The following MIA2 variants were observed in gnomAD, a reference collection of about 807,000 sequenced individuals.
MIA2 encodes MIA SH3 domain ER export factor 2.
A neutral mutation model predicts 167.8 loss-of-function variants in MIA2; 127 were observed. That is an observed-to-expected ratio of 0.76 (90% CI 0.66 to 0.88). The LOEUF (loss-of-function observed/expected upper bound fraction) is 0.88, where lower values mean the gene tolerates loss of function less well. Among genes scored for constraint, MIA2 ranks in the 40% least tolerant of loss-of-function variants. MIA2 has a pLI of 0.00. For missense variants in MIA2, 1,690 were observed against 1,624.7 expected, an observed-to-expected ratio of 1.04 and a Z score of -0.69; for synonymous variants, 552 against 541.9, an observed-to-expected ratio of 1.02 and a Z score of -0.26.
chr14:39,347,427 A>G, intron 26 of MIA2: 1 of 370,516 alleles, frequency 2.7e-6, no homozygotes, highest in Non-Finnish European at 4.8e-6. Flanking sequence ...AAAAGAAGGA[A>G]GGAGGGAGAT....
intron 21 of MIA2, among the ~76,000 whole-genome samples, chr14:39,316,212 C>T (rs572999246): frequency 1.7e-4 from 26 of 152,334 alleles, no homozygotes; most frequent in African/African-American, 5.3e-4. Context: ...TGTATTTGTG[C>T]TCCAGAGGAA....
chr14:39,346,227 T>G (rs576988456), intron 26 of MIA2, among the ~76,000 whole-genome samples: 71 of 152,354 alleles, frequency 4.7e-4, no homozygotes, highest in African/African-American at 1.6e-3. Flanking sequence ...TGGGTTGGTT[T>G]GAGCACCATG....
intron 23 of MIA2, among the ~76,000 whole-genome samples, chr14:39,357,284 T>G (rs536162158): frequency 6.2e-4 from 94 of 152,366 alleles, no homozygotes; most frequent in African/African-American, 2.1e-3. Context: ...TCTTGTTGAA[T>G]TGATCCCTTT....
chr14:39,246,856 A>G, intron 3 of MIA2, 55 bp from the exon 4 acceptor site: 2 of 1,004,794 alleles, frequency 2.0e-6, no homozygotes, highest in Non-Finnish European at 2.8e-6. Flanking sequence ...ACTCAGGGAG[A>G]AACAAGGAGC....
At chr14:39,380,519 CCT>C (rs2075134117) in intron 23 of MIA2, among the ~76,000 whole-genome samples, 3 of 151,760 alleles carry the variant, frequency 2.0e-5, no homozygotes, top group Admixed American at 2.0e-4. Flanking sequence ...ATGGTGAAAC[CCT>C]ATCTCTACTA....
chr14:39,306,923 A>G (rs2063425070), intron 17 of MIA2, among the ~76,000 whole-genome samples: 1 of 152,202 alleles, frequency 6.6e-6, no homozygotes, highest in Non-Finnish European at 1.5e-5. Flanking sequence ...TTTTAAAAAA[A>G]TTGATGCATA....
At chr14:39,317,026 G>A (rs1172258881) in intron 21 of MIA2, among the ~76,000 whole-genome samples, 1 of 152,120 alleles carries the variant, frequency 6.6e-6, no homozygotes, top group Non-Finnish European at 1.5e-5. Context: ...GTAGATAAAG[G>A]TTATCTCAGA....
chr14:39,280,973 A>G (rs2058844637), intron 9 of MIA2, among the ~76,000 whole-genome samples: 1 of 124,696 alleles, frequency 8.0e-6, no homozygotes, highest in Non-Finnish European at 1.6e-5. Context: ...TCTAGGCTGC[A>G]GTACAGTGGT....
At chr14:39,282,258 T>C (rs1286046749) in intron 9 of MIA2, among the ~76,000 whole-genome samples, 1 of 152,220 alleles carries the variant, frequency 6.6e-6, no homozygotes, top group Non-Finnish European at 1.5e-5. Flanking sequence ...GTATTTGACT[T>C]TCTTTTATGT....
chr14:39,247,449 C>G lies in MIA2; in HGVS notation c.875C>G (p.Ser292Cys), dbSNP rs770712900. The change falls in exon 4 of 29, where the codon TCT (serine) becomes TGT (cysteine). Residue 292 changes from serine to cysteine, a missense_variant. Coordinates refer to ENST00000640607, the MANE Select transcript of MIA2 (RefSeq NM_001329214.4). ...SEIDSVPKTQSELASESEHIP... is the reference protein window; with the variant it reads ...SEIDSVPKTQCELASESEHIP... ...ATTGATTCAGTGCCAAAGACACAGT[C>G]TGAACTAGCATCTGAGTCAGAGCAC... is the stretch of plus-strand genomic sequence containing the variant. The G allele has an allele frequency of 9.9e-6, 16 of 1,613,818 alleles. No individual in the cohort carries two copies. In the African/African-American group the frequency reaches 2.0e-4, roughly 20 times the overall value.
At chr14:39,303,615 T>G in intron 16 of MIA2, 91 bp downstream of exon 16, 1 of 842,792 alleles carries the variant, frequency 1.2e-6, no homozygotes, top group Non-Finnish European at 1.9e-6. Flanking sequence ...AAGTCCATTT[T>G]ATTGTTCCCA....
At chr14:39,330,569 A>AT (rs2068625966) in intron 25 of MIA2, among the ~76,000 whole-genome samples, 1 of 151,638 alleles carries the variant, frequency 6.6e-6, no homozygotes, top group South Asian at 2.1e-4. Flanking sequence ...TTGATTTTAG[A>AT]TTTTTCCCGC....
At chr14:39,355,724 C>T (rs2074505825), downstream of MIA2, among the ~76,000 whole-genome samples, 1 of 152,090 alleles carries the variant, frequency 6.6e-6, no homozygotes, top group South Asian at 2.1e-4. Flanking sequence ...TGAGATATGT[C>T]CCATCAATAC....
At chr14:39,364,352 G>C (rs1333924281) in intron 23 of MIA2, among the ~76,000 whole-genome samples, 1 of 150,792 alleles carries the variant, frequency 6.6e-6, no homozygotes, top group African/African-American at 2.4e-5. Flanking sequence ...CCTGGCGACA[G>C]AGCAAGACTC....
intron 6 of MIA2, among the ~76,000 whole-genome samples, chr14:39,275,433 TA>T (rs1281036887): frequency 6.6e-6 from 1 of 152,200 alleles, no homozygotes. Context: ...CGCCCGGCCC[TA>T]GCTCAATGCT....
chr14:39,247,020 A>T lies in MIA2; in HGVS notation c.446A>T (p.Asp149Val). The stretch of plus-strand genomic sequence containing the variant: ...ATATATCCTTATGAAGAAGATAAAG[A>T]TGAAAAATCTAGTATATATGAAAGT... ...ENIYPYEEDK[D>V]EKSSIYESDF... Residue 149 changes from aspartate to valine, a missense_variant, in exon 4 of 29, where the codon GAT (aspartate) becomes GTT (valine). Coordinates refer to ENST00000640607, the MANE Select transcript of MIA2 (RefSeq NM_001329214.4). The T allele has an allele frequency of 6.3e-7, 1 of 1,592,356 alleles. No homozygotes were observed.
intron 18 of MIA2, among the ~76,000 whole-genome samples, chr14:39,309,331 A>T (rs2063837258): frequency 6.6e-6 from 1 of 152,166 alleles, no homozygotes; most frequent in African/African-American, 2.4e-5. Flanking sequence ...CTCAACCCAC[A>T]GCTTTTATAT....
chr14:39,266,889 G>C, intron 6 of MIA2: 1 of 717,382 alleles, frequency 1.4e-6, no homozygotes, highest in Non-Finnish European at 1.7e-6. Flanking sequence ...TCTCGCCGCC[G>C]CCGCCACCGC....
At chr14:39,243,888 T>A (rs2054173358) in intron 3 of MIA2, among the ~76,000 whole-genome samples, 4 of 152,088 alleles carry the variant, frequency 2.6e-5, no homozygotes, top group Admixed American at 2.6e-4. Flanking sequence ...GAAAAAAGAA[T>A]GAAGACCCGA....
Sources: gnomAD v4.1 joint callset for allele counts (sites outside exome capture counted in the v4.1 genomes callset) on GRCh38, gnomAD v4.1.1 for gene constraint, MANE v1.5 for transcripts, NCBI Gene and HGNC (gene_info 2026-07-23, HGNC 2026-07-21) for gene names.